Variants in AP3S2 observed in about 807,000 individuals in gnomAD.
AP3S2 encodes the protein AP-3 complex subunit sigma-2.
AP3S2 carries 22 observed loss-of-function variants against 23.4 expected under a neutral mutation model. The observed-to-expected ratio is 0.94, with a 90% confidence interval of 0.67 to 1.34. AP3S2 has a LOEUF of 1.34. Among genes scored for constraint, AP3S2 ranks in the 40% most tolerant of loss-of-function variants. The probability of loss-of-function intolerance (pLI) is 0.00; values close to 1 mark genes in which losing one functional copy is unlikely to be tolerated. For missense variants in AP3S2, 241 were observed against 236.9 expected (o/e 1.02, Z -0.11); for synonymous variants, 86 against 87.1 (o/e 0.99, Z 0.07).
intron 4 of AP3S2, among the ~76,000 whole-genome samples, chr15:89,854,465 A>G (rs1158343175): frequency 3.4e-4 from 11 of 32,092 alleles, no homozygotes; most frequent in African/African-American, 8.6e-4. Flanking sequence ...AGCCGCCCCT[A>G]CTGGGAAGTG....
chr15:89,881,241 G>A (rs558426947), intron 3 of AP3S2, among the ~76,000 whole-genome samples: 56 of 152,088 alleles, frequency 3.7e-4, no homozygotes, highest in Non-Finnish European at 6.5e-4. Context: ...CAAAGGAGCC[G>A]GACCATGTTG....
In AP3S2 at chr15:89,836,602, T is replaced by G. The variant is rs188717051; in HGVS notation, c.454-959A>C. On this transcript the variant is annotated intron_variant, in intron 5 of 5. Transcript: ENST00000336418. ...TACAGTGAACCCCCACCTGGCAGGC[T>G]CACCCCCACGTGGAGGGAACGGCAA... Among the ~76,000 whole-genome samples the G allele has an allele frequency of 6.2e-4, 95 of 152,276 alleles. No individual in the cohort carries two copies. In the South Asian group the frequency reaches 0.012, roughly 19 times the overall value.
intron 1 of AP3S2, chr15:89,893,374 T>C (rs1896863255): frequency 4.8e-6 from 1 of 209,250 alleles, no homozygotes; most frequent in African/African-American, 2.3e-5. Context: ...TTTAAACTGA[T>C]TTTCTTCAAC....
chr15:89,846,313 G>A (rs944205966), intron 4 of AP3S2, among the ~76,000 whole-genome samples: 14 of 151,712 alleles, frequency 9.2e-5, no homozygotes, highest in African/African-American at 2.9e-4. Context: ...ACCTGTTATC[G>A]AGTCTCTCCA....
At chr15:89,855,929 A>AAT (rs974015933) in intron 4 of AP3S2, among the ~76,000 whole-genome samples, 2 of 139,828 alleles carry the variant, frequency 1.4e-5, no homozygotes, top group African/African-American at 5.4e-5. Flanking sequence ...TGTATGAATA[A>AAT]ATATGATATG....
chr15:89,876,430 GA>G (rs907820594), intron 3 of AP3S2: 54 of 144,958 alleles, frequency 3.7e-4, no homozygotes, highest in Non-Finnish European at 7.3e-4. Context: ...AAAAAGGAAA[GA>G]AAAAAAAAAG....
intron 4 of AP3S2, among the ~76,000 whole-genome samples, chr15:89,847,375 C>CA (rs11314336): frequency 0.013 from 819 of 62,602 alleles, 121 homozygotes; most frequent in Middle Eastern, 0.016. Flanking sequence ...GACCCTGTTA[C>CA]AAAAAAAAAA....
intron 3 of AP3S2, among the ~76,000 whole-genome samples, chr15:89,873,283 CTTCTTT>C (rs1896362179): frequency 7.7e-6 from 1 of 130,476 alleles, no homozygotes; most frequent in Non-Finnish European, 1.8e-5. Context: ...CTCTGTCTGT[CTTCTTT>C]TTTTTTTTTT....
chr15:89,853,465 T>C (rs1207387867), intron 4 of AP3S2, among the ~76,000 whole-genome samples: 102 of 152,202 alleles, frequency 6.7e-4, no homozygotes, highest in Non-Finnish European at 5.9e-5. Context: ...AAAATCTTGA[T>C]TTGAGATGTT....
At chr15:89,858,653 GCCTTTCAGGGTGC>G (rs1895926118) in intron 4 of AP3S2, among the ~76,000 whole-genome samples, 1 of 152,178 alleles carries the variant, frequency 6.6e-6, no homozygotes, top group Admixed American at 6.5e-5. Context: ...CTCAATTCCA[GCCTTTCAGGGTGC>G]CTATAAATCA....
chr15:89,837,090 G>A (rs1895211882), intron 5 of AP3S2, among the ~76,000 whole-genome samples: 1 of 152,206 alleles, frequency 6.6e-6, no homozygotes, highest in Admixed American at 6.5e-5. Context: ...CACCATGTGG[G>A]GGTGGACTGG....
intron 4 of AP3S2, among the ~76,000 whole-genome samples, chr15:89,857,771 T>C (rs1895875536): frequency 1.3e-5 from 2 of 152,300 alleles, no homozygotes; most frequent in South Asian, 4.1e-4. Flanking sequence ...GAAAAAACCA[T>C]GGTCATCATT....
intron 4 of AP3S2, among the ~76,000 whole-genome samples, chr15:89,849,406 G>C (rs951288584): frequency 6.6e-6 from 1 of 151,632 alleles, no homozygotes; most frequent in Non-Finnish European, 1.5e-5. Flanking sequence ...TCACTCTGTC[G>C]CTCAGGCTGG....
At chr15:89,869,920 T>C (rs539294590) in intron 4 of AP3S2, among the ~76,000 whole-genome samples, 1 of 152,320 alleles carries the variant, frequency 6.6e-6, no homozygotes, top group African/African-American at 2.4e-5. Context: ...TTTGTACTTT[T>C]AGTAGAGACA....
At chr15:89,838,706 G>A (rs1410938327) in intron 4 of AP3S2, among the ~76,000 whole-genome samples, 1 of 152,156 alleles carries the variant, frequency 6.6e-6, no homozygotes, top group African/African-American at 2.4e-5. Context: ...GGATAGTCCT[G>A]GGGAAGTCAG....
At chr15:89,878,614 G>A (rs1896497054) in intron 3 of AP3S2, among the ~76,000 whole-genome samples, 1 of 152,124 alleles carries the variant, frequency 6.6e-6, no homozygotes, top group Non-Finnish European at 1.5e-5. Context: ...AGGCTGGAGT[G>A]CAGTGGTATA....
intron 2 of AP3S2, 122 bp downstream of exon 2, chr15:89,888,914 CCTGAGCAGATCAT>C: frequency 9.8e-7 from 1 of 1,018,710 alleles, no homozygotes; most frequent in African/African-American, 1.6e-5. Context: ...TGTGTCTCTC[CCTGAGCAGATCAT>C]GGTGAGACCA....
intron 3 of AP3S2, chr15:89,876,961 T>A: frequency 3.5e-6 from 1 of 283,090 alleles, no homozygotes. Context: ...CTAGGGATTA[T>A]GACACAGCAG....
At chr15:89,891,209 C>A (rs1175823289) in intron 1 of AP3S2, among the ~76,000 whole-genome samples, 1 of 152,078 alleles carries the variant, frequency 6.6e-6, no homozygotes, top group Non-Finnish European at 1.5e-5. Context: ...ATTTTAATAA[C>A]CCCTCATATC....
Sources: gnomAD v4.1 joint callset for allele counts (sites outside exome capture counted in the v4.1 genomes callset) on GRCh38, gnomAD v4.1.1 for gene constraint, MANE v1.5 for transcripts, NCBI Gene and HGNC (gene_info 2026-07-23, HGNC 2026-07-21) for gene names.